The following PTPN13 variants were observed in gnomAD, a reference collection of about 807,000 sequenced individuals.
The protein encoded by PTPN13 is tyrosine-protein phosphatase non-receptor type 13.
Under a neutral mutation model 284.0 loss-of-function variants are expected in PTPN13, and 191 were observed. The observed-to-expected ratio is 0.67, with a 90% CI of 0.60 to 0.76. The LOEUF (loss-of-function observed/expected upper bound fraction) is 0.76. PTPN13 is among the 30% of genes least tolerant of loss of function. PTPN13 has a pLI of 0.00. For missense variants in PTPN13, 2,797 were observed against 2,939.9 expected (o/e 0.95, Z 1.12); for synonymous variants, 986 against 1,022.3 (o/e 0.96, Z 0.68).
intron 40 of PTPN13, among the ~76,000 whole-genome samples, chr4:86,795,897 G>A (rs929131332): frequency 3.3e-5 from 5 of 152,134 alleles, no homozygotes; most frequent in Non-Finnish European, 7.3e-5. Flanking sequence ...TGGGGTTTGG[G>A]GGCCTGGGGG....
intron 1 of PTPN13, among the ~76,000 whole-genome samples, chr4:86,613,656 T>C (rs796841856): frequency 4.9e-5 from 7 of 143,580 alleles, no homozygotes; most frequent in African/African-American, 1.9e-4. Flanking sequence ...AAAAAAGAGT[T>C]TGGGGAGTAG....
At chr4:86,740,860 T>G (rs1736097873) in intron 15 of PTPN13, among the ~76,000 whole-genome samples, 1 of 151,782 alleles carries the variant, frequency 6.6e-6, no homozygotes, top group South Asian at 2.1e-4. Context: ...TCTCTCAAGT[T>G]GAAAGTTCCA....
intron 2 of PTPN13, among the ~76,000 whole-genome samples, chr4:86,653,103 A>G (rs926813823): frequency 6.6e-6 from 1 of 151,884 alleles, no homozygotes; most frequent in African/African-American, 2.4e-5. Flanking sequence ...TTAAAATTTT[A>G]ATCTCTTAGT....
At chr4:86,666,343 T>TGACACACA (rs1727075096) in intron 2 of PTPN13, among the ~76,000 whole-genome samples, 1 of 151,832 alleles carries the variant, frequency 6.6e-6, no homozygotes, top group Non-Finnish European at 1.5e-5. Flanking sequence ...AAGGAGTGAG[T>TGACACACA]TTAGGAACAG....
At position 86,759,033 on chromosome 4, in the gene PTPN13, G is replaced by A. The variant is rs780601574; in HGVS notation, c.3513G>A (p.Val1171=). The A allele has an allele frequency of 2.7e-5, 43 of 1,613,496 alleles. No individual in the cohort carries two copies. In the Admixed American group the frequency reaches 7.2e-4, roughly 27 times the overall value. ...TTTTGCAAAATGCACCTGAAGATGT[G>A]ACACTTGTTATCTCTCAGCCAAAAG... The part of the protein sequence containing the change: ...IEILQNAPED[V]TLVISQPKEK... Residue 1171 remains valine (V), a synonymous_variant, in exon 23 of 48, where the codon GTG becomes GTA. Transcript: ENST00000411767.
At chr4:86,628,989 A>G (rs1328269446) in intron 1 of PTPN13, among the ~76,000 whole-genome samples, 1 of 152,056 alleles carries the variant, frequency 6.6e-6, no homozygotes, top group Non-Finnish European at 1.5e-5. Context: ...TTATAGCAGC[A>G]TGATTTATAG....
chr4:86,610,259 C>T (rs960896729), intron 1 of PTPN13, among the ~76,000 whole-genome samples: 1 of 151,956 alleles, frequency 6.6e-6, no homozygotes, highest in Non-Finnish European at 1.5e-5. Context: ...TCCTGCAGCC[C>T]CAGTAATCTG....
Position 86,735,589 on chromosome 4 carries a change from T to C in PTPN13, c.2152-5T>C, listed in dbSNP as rs761584870. ...AATTGCTTATGAAAACATTCTTTTATCTAGGTTCATGGTGTGTCTTACTTT... is the reference window on the plus strand; with the variant it reads ...AATTGCTTATGAAAACATTCTTTTACCTAGGTTCATGGTGTGTCTTACTTT... On this transcript the variant is annotated splice_polypyrimidine_tract_variant and splice_region_variant and intron_variant, in intron 14 of 47. Transcript: ENST00000411767. The C allele has an allele frequency of 2.5e-6, 4 of 1,605,016 alleles. No homozygotes were observed. Among genetic ancestry groups the C allele is most frequent in the Admixed American group, 1.7e-5 (1 of 57,154 alleles).
chr4:86,639,826 TA>T (rs140501711), intron 2 of PTPN13, among the ~76,000 whole-genome samples: 71 of 145,472 alleles, frequency 4.9e-4, no homozygotes, highest in Admixed American at 8.9e-4. Flanking sequence ...ACTTAAAGTA[TA>T]AAAAAAAAAA....
intron 28 of PTPN13, among the ~76,000 whole-genome samples, chr4:86,769,522 T>C (rs1388288352): frequency 6.6e-6 from 1 of 152,150 alleles, no homozygotes; most frequent in East Asian, 1.9e-4. Context: ...AGAATCCTAC[T>C]TTCAGAACTC....
At position 86,764,724 on chromosome 4, in the gene PTPN13, G is replaced by A. The variant is rs778357524; in HGVS notation, c.4149G>A (p.Thr1383=). 6.2e-6 allele frequency: 10 copies of A among 1,600,786 alleles called. No homozygotes were observed. The highest frequency in any genetic ancestry group is 2.3e-5 in the South Asian group (2 of 87,274). ...KNDNSLGISV[T]GGVNTSVRHG... is the part of the protein sequence containing the mutation. ...ATAACAGCTTGGGGATAAGTGTCAC[G>A]GTACTGTTTGACAAGGTTTTCAAAT... is the stretch of plus-strand genomic sequence containing the variant. Residue 1383 remains threonine, a splice_region_variant and synonymous_variant, in exon 25 of 48, where the codon ACG becomes ACA. Transcript: ENST00000411767.
At chr4:86,789,770 C>T (rs1054924172) in intron 40 of PTPN13, among the ~76,000 whole-genome samples, 3 of 151,956 alleles carry the variant, frequency 2.0e-5, no homozygotes, top group Admixed American at 6.5e-5. Flanking sequence ...ATCTTCTTAA[C>T]GCAACCCTCC....
At chr4:86,689,221 C>A in intron 5 of PTPN13, 31 bp downstream of exon 5, 1 of 1,570,046 alleles carries the variant, frequency 6.4e-7, no homozygotes, top group Non-Finnish European at 8.7e-7. Flanking sequence ...TAAATATAGT[C>A]ATATTTTAAA....
At chr4:86,722,065 A>T in intron 9 of PTPN13, 147 bp from the exon 10 acceptor site, 1 of 674,702 alleles carries the variant, frequency 1.5e-6, no homozygotes, top group Non-Finnish European at 2.6e-6. Flanking sequence ...TCTTCATACC[A>T]TACTGTGTAA....
chr4:86,701,830 G>T, intron 7 of PTPN13, 29 bp downstream of exon 7: 2 of 1,533,802 alleles, frequency 1.3e-6, no homozygotes, highest in Non-Finnish European at 8.8e-7. Context: ...GTTTGAGAAA[G>T]AATTGAAGTA....
chr4:86,668,772 T>C (rs2148880050), intron 2 of PTPN13, among the ~76,000 whole-genome samples: 1 of 148,936 alleles, frequency 6.7e-6, no homozygotes, highest in Non-Finnish European at 1.5e-5. Flanking sequence ...ATTTTTTTTT[T>C]TTTTTTTTTT....
At chr4:86,623,440 C>T (rs952649738) in intron 1 of PTPN13, among the ~76,000 whole-genome samples, 3 of 152,164 alleles carry the variant, frequency 2.0e-5, no homozygotes, top group African/African-American at 7.2e-5. Flanking sequence ...CTAGATATTC[C>T]TTAATCCAAT....
chr4:86,658,032 C>T (rs930756730), intron 2 of PTPN13, among the ~76,000 whole-genome samples: 3 of 152,202 alleles, frequency 2.0e-5, no homozygotes, highest in Admixed American at 2.0e-4. Context: ...GGACTGCAGT[C>T]CTTGTGGCCT....
Position 86,785,281 on chromosome 4 carries a change from G to A in PTPN13, c.6169G>A (p.Val2057Ile). 1 of 1,597,572 alleles carries A rather than the reference G, an allele frequency of 6.3e-7. No individual in the cohort carries two copies. Among genetic ancestry groups the A allele is most frequent in the Non-Finnish European group, 8.6e-7 (1 of 1,166,638 alleles). Reference sequence around the variant, plus strand: ...TTATGATGATTCCCAAGAAGCTGAAGTTATCCAGTCTCTGCTGGATGTTGT... The same window carrying A: ...TTATGATGATTCCCAAGAAGCTGAAATTATCCAGTCTCTGCTGGATGTTGT... Reference protein sequence around the residue: ...DIYDDSQEAEVIQSLLDVVDE... With the variant: ...DIYDDSQEAEIIQSLLDVVDE... The change falls in exon 39 of 48, where the codon GTT becomes ATT. Residue 2057 changes from valine to isoleucine, a missense_variant. Val to Ile is a conservative substitution (Grantham distance 29). Coordinates refer to ENST00000411767, the MANE Select transcript of PTPN13 (RefSeq NM_080683.3).
Sources: allele counts gnomAD v4.1 joint callset (sites outside exome capture counted in the v4.1 genomes callset), GRCh38; gene constraint gnomAD v4.1.1; transcripts MANE v1.5; gene names NCBI Gene and HGNC (gene_info 2026-07-23, HGNC 2026-07-21).